Variants in NR3C2 observed in about 807,000 individuals in gnomAD.
The protein encoded by NR3C2 is mineralocorticoid receptor.
A neutral mutation model predicts 86.4 loss-of-function variants in NR3C2; 15 were observed. The ratio of observed to expected loss-of-function variants is 0.17; its 90% CI spans 0.12 to 0.27. The LOEUF is 0.27. Among genes scored for constraint, NR3C2 ranks in the 10% least tolerant of loss-of-function variants. NR3C2 has a pLI of 1.00. For synonymous variants in NR3C2, 458 were observed against 450.5 expected (o/e 1.02, Z -0.21); for missense variants, 960 against 1,195.6 (o/e 0.80, Z 2.91).
chr4:148,313,032 A>C (rs562697717), intron 2 of NR3C2, among the ~76,000 whole-genome samples: 1 of 152,306 alleles, frequency 6.6e-6, no homozygotes, highest in South Asian at 2.1e-4. Context: ...GAAATAGTAA[A>C]ACAGTCCTTT....
intron 2 of NR3C2, among the ~76,000 whole-genome samples, chr4:148,354,545 T>C (rs1745457897): frequency 6.6e-6 from 1 of 152,176 alleles, no homozygotes; most frequent in Non-Finnish European, 1.5e-5. Context: ...TATGTGTATA[T>C]ATTTTCCAAA....
At chr4:148,257,448 A>G (rs1426968341) in intron 3 of NR3C2, among the ~76,000 whole-genome samples, 9 of 152,156 alleles carry the variant, frequency 5.9e-5, no homozygotes, top group Non-Finnish European at 2.9e-5. Context: ...GAGATTTAGA[A>G]TCCAGACTTT....
chr4:148,113,844 C>G (rs1732152401), intron 8 of NR3C2, among the ~76,000 whole-genome samples: 1 of 152,126 alleles, frequency 6.6e-6, no homozygotes, highest in Non-Finnish European at 1.5e-5. Context: ...GCTATATAAC[C>G]TGAATGCTTT....
At chr4:148,330,894 C>T (rs1744198644) in intron 2 of NR3C2, among the ~76,000 whole-genome samples, 3 of 152,154 alleles carry the variant, frequency 2.0e-5, no homozygotes, top group Admixed American at 2.0e-4. Context: ...CTCTGTCTTG[C>T]TCCAGCTCTT....
At chr4:148,357,283 C>A (rs1198745642) in intron 2 of NR3C2, among the ~76,000 whole-genome samples, 1 of 152,066 alleles carries the variant, frequency 6.6e-6, no homozygotes, top group Non-Finnish European at 1.5e-5. Context: ...AAATTAGAAT[C>A]CATTCATTTC....
chr4:148,260,220 G>T, intron 2 of NR3C2, 103 bp from the exon 3 acceptor site: 3 of 1,427,184 alleles, frequency 2.1e-6, no homozygotes, highest in African/African-American at 1.4e-5. Flanking sequence ...TTCGATACAA[G>T]AATTCAGTGT....
intron 2 of NR3C2, among the ~76,000 whole-genome samples, chr4:148,385,979 C>T (rs974049212): frequency 2.6e-5 from 4 of 152,156 alleles, no homozygotes; most frequent in Non-Finnish European, 5.9e-5. Context: ...ATTTCAGATA[C>T]GTGGGTGTGC....
At chr4:148,117,771 G>A (rs78322443) in intron 7 of NR3C2, among the ~76,000 whole-genome samples, 1 of 152,068 alleles carries the variant, frequency 6.6e-6, no homozygotes, top group African/African-American at 2.4e-5. Flanking sequence ...CTCTTCATAC[G>A]CATTCGGAAA....
chr4:148,412,168 C>T (rs1748738967), intron 2 of NR3C2, among the ~76,000 whole-genome samples: 3 of 152,236 alleles, frequency 2.0e-5, no homozygotes, highest in Admixed American at 6.5e-5. Context: ...GACTGAGACT[C>T]GGTGAACACA....
chr4:148,250,956 T>G (rs1001546603), intron 3 of NR3C2, among the ~76,000 whole-genome samples: 5 of 151,742 alleles, frequency 3.3e-5, no homozygotes, highest in African/African-American at 4.8e-5. Flanking sequence ...TTCTTTTTTT[T>G]GGGGGGGAGT....
intron 2 of NR3C2, among the ~76,000 whole-genome samples, chr4:148,422,371 A>C (rs1051726462): frequency 6.6e-6 from 1 of 152,196 alleles, no homozygotes; most frequent in African/African-American, 2.4e-5. Flanking sequence ...CATACCTCAA[A>C]TTTCCAAGAA....
At chr4:148,399,683 GACACAC>G (rs3045291) in intron 2 of NR3C2, among the ~76,000 whole-genome samples, 2,830 of 150,476 alleles carry the variant, frequency 0.019, 96 homozygotes, top group African/African-American at 0.064. Context: ...TATATATACA[GACACAC>G]ACACACACAC....
chr4:148,165,976 T>G (rs6856803), intron 4 of NR3C2, among the ~76,000 whole-genome samples: 1 of 152,000 alleles, frequency 6.6e-6, no homozygotes, highest in African/African-American at 2.4e-5. Context: ...CAAAATTAAA[T>G]AGGCCCGAGG....
At chr4:148,314,297 G>C (rs1262623488) in intron 2 of NR3C2, among the ~76,000 whole-genome samples, 2 of 152,122 alleles carry the variant, frequency 1.3e-5, no homozygotes, top group East Asian at 3.8e-4. Flanking sequence ...TTTTAGTACA[G>C]TATTAAACTT....
intron 8 of NR3C2, among the ~76,000 whole-genome samples, chr4:148,106,638 A>T (rs1441490613): frequency 6.6e-6 from 1 of 152,228 alleles, no homozygotes; most frequent in Non-Finnish European, 1.5e-5. Context: ...AGTAACCAAA[A>T]CAGCATGGTA....
chr4:148,441,034 A>G (rs926041857), intron 1 of NR3C2, among the ~76,000 whole-genome samples: 1 of 152,210 alleles, frequency 6.6e-6, no homozygotes, highest in African/African-American at 2.4e-5. Context: ...ATTCCCCACT[A>G]CATAACTATT....
chr4:148,324,763 A>C (rs1052917935), intron 2 of NR3C2, among the ~76,000 whole-genome samples: 4 of 152,206 alleles, frequency 2.6e-5, no homozygotes, highest in African/African-American at 9.6e-5. Context: ...TGTCATATCA[A>C]AACATATTTC....
chr4:148,431,080 T>C (rs574731272), intron 2 of NR3C2, among the ~76,000 whole-genome samples: 9 of 152,320 alleles, frequency 5.9e-5, no homozygotes, highest in Admixed American at 3.3e-4. Flanking sequence ...GCCAGTGTTA[T>C]GTCAACAGAA....
chr4:148,273,736 G>A (rs1363882352), intron 2 of NR3C2, among the ~76,000 whole-genome samples: 1 of 152,144 alleles, frequency 6.6e-6, no homozygotes, highest in Non-Finnish European at 1.5e-5. Flanking sequence ...ACAACCAGAA[G>A]CAGAGAAGGT....
Sources: allele counts gnomAD v4.1 joint callset (sites outside exome capture counted in the v4.1 genomes callset), GRCh38; gene constraint gnomAD v4.1.1; transcripts MANE v1.5; gene names NCBI Gene and HGNC (gene_info 2026-07-23, HGNC 2026-07-21).